Variants in MIS18A observed in about 807,000 individuals in gnomAD.
MIS18A encodes the protein MIS18 kinetochore protein A.
In MIS18A, 14 loss-of-function variants were observed where a neutral mutation model predicts 25.0. That is an observed-to-expected ratio of 0.56 (90% CI 0.37 to 0.88). The LOEUF (loss-of-function observed/expected upper bound fraction) is 0.88, where lower values mean the gene tolerates loss of function less well. Ranked by LOEUF, MIS18A falls within the 40% of genes least tolerant of loss-of-function variation. The pLI is 0.00. For missense variants in MIS18A, 292 were observed against 290.8 expected, an observed-to-expected ratio of 1.00 and a Z score of -0.03; for synonymous variants, 134 against 118.6, an observed-to-expected ratio of 1.13 and a Z score of -0.84.
rs905692566 is a variant in MIS18A at position 32,274,957 on chromosome 21, CAG to C, written c.335-63_335-62del. On this transcript the variant is annotated intron_variant, in intron 1 of 4. Transcript: ENST00000290130. Reference sequence around the variant, plus strand: ...TAGTTCGTTATAACATACCTGCAGACAGAGAGTTTCTAATCCAACTTTTTAGA... The same window carrying C: ...TAGTTCGTTATAACATACCTGCAGACAGAGTTTCTAATCCAACTTTTTAGA... 7 of 1,357,570 alleles carry C rather than the reference CAG, an allele frequency of 5.2e-6. No homozygotes were observed. In the African/African-American group the frequency reaches 5.9e-5, roughly 11 times the overall value. 84.1% of individuals were successfully genotyped at this position (1,357,570 alleles called of 1,614,324 possible). A position where few individuals can be genotyped will look rare whatever the true frequency, so the allele number is the denominator to read the frequency against.
chr21:32,274,356 C>A (rs1166972505), intron 2 of MIS18A, among the ~76,000 whole-genome samples: 2 of 151,882 alleles, frequency 1.3e-5, no homozygotes, highest in South Asian at 2.1e-4. Context: ...AGGCCCGCAC[C>A]ACCATGCCCG....
At chr21:32,185,758 A>G in the MIS18A span, among the ~76,000 whole-genome samples, 1 of 151,904 alleles carries the variant, frequency 6.6e-6, no homozygotes, top group African/African-American at 2.4e-5. Flanking sequence ...AGACCCTCCT[A>G]AAGTCCAATA....
the MIS18A span, among the ~76,000 whole-genome samples, chr21:32,193,645 G>C: frequency 1.3e-5 from 2 of 151,866 alleles, no homozygotes; most frequent in African/African-American, 2.4e-5. Flanking sequence ...TCAATCAGCA[G>C]CCATTCTATT....
chr21:32,259,490 T>C, the MIS18A span, among the ~76,000 whole-genome samples: 4 of 152,172 alleles, frequency 2.6e-5, no homozygotes, highest in Non-Finnish European at 5.9e-5. Flanking sequence ...GACACCTTCC[T>C]AGCCTACTCT....
At chr21:32,179,384 C>T in the MIS18A span, among the ~76,000 whole-genome samples, 1 of 152,152 alleles carries the variant, frequency 6.6e-6, no homozygotes, top group Non-Finnish European at 1.5e-5. Flanking sequence ...TCTGATTCAA[C>T]TTCACACTTT....
the MIS18A span, among the ~76,000 whole-genome samples, chr21:32,222,504 A>C: frequency 5.3e-5 from 8 of 152,254 alleles, no homozygotes; most frequent in Admixed American, 1.3e-4. Context: ...TCTCAGCACG[A>C]CATAGCACTT....
At chr21:32,184,931 G>A in the MIS18A span, among the ~76,000 whole-genome samples, 2 of 151,960 alleles carry the variant, frequency 1.3e-5, no homozygotes, top group Non-Finnish European at 2.9e-5. Context: ...TACAGCCTAA[G>A]CTCAGGGTCG....
the MIS18A span, among the ~76,000 whole-genome samples, chr21:32,167,017 T>C: frequency 6.6e-6 from 1 of 152,184 alleles, no homozygotes; most frequent in Non-Finnish European, 1.5e-5. Flanking sequence ...TAGCATTTAT[T>C]ACCATGTAAT....
At chr21:32,202,971 T>C in the MIS18A span, among the ~76,000 whole-genome samples, 1 of 152,200 alleles carries the variant, frequency 6.6e-6, no homozygotes, top group Admixed American at 6.5e-5. Flanking sequence ...GACCCTGCTT[T>C]CAATTATTTG....
At chr21:32,179,551 T>C in the MIS18A span, among the ~76,000 whole-genome samples, 1 of 152,220 alleles carries the variant, frequency 6.6e-6, no homozygotes, top group African/African-American at 2.4e-5. Context: ...TGATGTGCCC[T>C]TCTAGATTCA....
At chr21:32,221,454 C>T in the MIS18A span, among the ~76,000 whole-genome samples, 1 of 152,138 alleles carries the variant, frequency 6.6e-6, no homozygotes, top group Non-Finnish European at 1.5e-5. Context: ...ACCACCAGGC[C>T]TGCCTTACCA....
At chr21:32,172,134 A>T in the MIS18A span, among the ~76,000 whole-genome samples, 1 of 152,086 alleles carries the variant, frequency 6.6e-6, no homozygotes, top group Admixed American at 6.5e-5. Flanking sequence ...AAAAAGACAC[A>T]TGATAACAAG....
chr21:32,223,803 A>C, the MIS18A span, among the ~76,000 whole-genome samples: 6 of 152,228 alleles, frequency 3.9e-5, no homozygotes, highest in African/African-American at 1.4e-4. Context: ...CCTGATACCA[A>C]AACCTGACAG....
At chr21:32,167,816 A>G in the MIS18A span, among the ~76,000 whole-genome samples, 1 of 152,220 alleles carries the variant, frequency 6.6e-6, no homozygotes, top group African/African-American at 2.4e-5. Context: ...GCCAAAGACA[A>G]GGAAAAAAGT....
chr21:32,206,062 G>A, the MIS18A span, among the ~76,000 whole-genome samples: 2 of 152,142 alleles, frequency 1.3e-5, no homozygotes, highest in African/African-American at 4.8e-5. Context: ...CCCATCCACT[G>A]TAGTCACCAG....
the MIS18A span, among the ~76,000 whole-genome samples, chr21:32,193,064 C>T: frequency 2.0e-5 from 3 of 152,178 alleles, no homozygotes; most frequent in African/African-American, 7.2e-5. Context: ...AGCAAAGGTT[C>T]CATGCCCAGA....
At chr21:32,197,695 C>G in the MIS18A span, 1 of 152,154 alleles carries the variant, frequency 6.6e-6, no homozygotes, top group African/African-American at 2.4e-5. Flanking sequence ...TAACTTCCTC[C>G]CTTTTCATTT....
At chr21:32,262,159 T>TC in the MIS18A span, among the ~76,000 whole-genome samples, 1 of 152,180 alleles carries the variant, frequency 6.6e-6, no homozygotes, top group East Asian at 1.9e-4. Flanking sequence ...GTATGATGCT[T>TC]CCTACGGAAG....
At chr21:32,258,637 T>C in the MIS18A span, among the ~76,000 whole-genome samples, 1 of 152,116 alleles carries the variant, frequency 6.6e-6, no homozygotes, top group Non-Finnish European at 1.5e-5. Context: ...AAAAAATGAC[T>C]ACGGTACTCA....
Sources: gnomAD v4.1 joint callset for allele counts (sites outside exome capture counted in the v4.1 genomes callset) on GRCh38, gnomAD v4.1.1 for gene constraint, MANE v1.5 for transcripts, NCBI Gene and HGNC (gene_info 2026-07-23, HGNC 2026-07-21) for gene names.